Variants in GRID2 observed in about 807,000 individuals in gnomAD.
GRID2 encodes glutamate ionotropic receptor delta type subunit 2, also known as glutamate receptor ionotropic, delta-2.
A neutral mutation model predicts 114.8 loss-of-function variants in GRID2; 33 were observed. The ratio of observed to expected loss-of-function variants is 0.29; its 90% CI spans 0.22 to 0.38. The LOEUF (loss-of-function observed/expected upper bound fraction) is 0.38, where lower values mean the gene tolerates loss of function less well. GRID2 is among the 10% of genes least tolerant of loss of function. GRID2 has a pLI of 1.00. For synonymous variants in GRID2, 505 were observed against 449.9 expected, an observed-to-expected ratio of 1.12 and a Z score of -1.55; for missense variants, 1,184 against 1,257.7, an observed-to-expected ratio of 0.94 and a Z score of 0.89.
At chr4:93,648,335 A>G (rs1722294177) in intron 14 of GRID2, among the ~76,000 whole-genome samples, 3 of 152,210 alleles carry the variant, frequency 2.0e-5, no homozygotes. Flanking sequence ...GGAAAAATCA[A>G]GAGAAACTAT....
At chr4:92,398,509 A>G (rs1173121909) in intron 1 of GRID2, among the ~76,000 whole-genome samples, 1 of 151,644 alleles carries the variant, frequency 6.6e-6, no homozygotes, top group East Asian at 1.9e-4. Context: ...ATGTTGCCCA[A>G]GCTGGTCTCA....
intron 8 of GRID2, among the ~76,000 whole-genome samples, chr4:93,289,337 G>A (rs982768253): frequency 2.0e-5 from 3 of 151,856 alleles, no homozygotes; most frequent in African/African-American, 7.3e-5. Flanking sequence ...TTTTTTTTAA[G>A]AGACTGGATT....
intron 2 of GRID2, among the ~76,000 whole-genome samples, chr4:92,650,169 A>G (rs927344058): frequency 2.6e-5 from 4 of 152,202 alleles, no homozygotes; most frequent in South Asian, 2.1e-4. Context: ...CAACATATTT[A>G]TAACAAAATA....
At chr4:92,843,438 T>G (rs1475356003) in intron 2 of GRID2, among the ~76,000 whole-genome samples, 1 of 152,096 alleles carries the variant, frequency 6.6e-6, no homozygotes, top group East Asian at 1.9e-4. Context: ...CTATACTTAT[T>G]GATGTCTGCT....
chr4:93,800,548 A>G (rs1734907503), intron 1 of GRID2, among the ~76,000 whole-genome samples: 1 of 152,194 alleles, frequency 6.6e-6, no homozygotes, highest in Admixed American at 6.5e-5. Flanking sequence ...TCTTATTTAA[A>G]TAAAAAGGCC....
At chr4:92,394,265 C>T (rs1730388066) in intron 1 of GRID2, among the ~76,000 whole-genome samples, 3 of 152,028 alleles carry the variant, frequency 2.0e-5, no homozygotes, top group African/African-American at 7.2e-5. Flanking sequence ...TAATCAGTGT[C>T]TTCTACATTT....
chr4:93,028,973 C>T (rs1384015457), intron 2 of GRID2, among the ~76,000 whole-genome samples: 1 of 151,920 alleles, frequency 6.6e-6, no homozygotes. Flanking sequence ...AATGAGTTAA[C>T]ACAGTGATCT....
At chr4:93,173,720 C>G (rs1016436099) in intron 4 of GRID2, among the ~76,000 whole-genome samples, 1 of 152,102 alleles carries the variant, frequency 6.6e-6, no homozygotes, top group Non-Finnish European at 1.5e-5. Context: ...ACCTCCACCC[C>G]CTGGTCTCAA....
intron 4 of GRID2, among the ~76,000 whole-genome samples, chr4:93,116,751 G>GGT (rs763712705): frequency 1.4e-5 from 2 of 145,602 alleles, no homozygotes; most frequent in African/African-American, 5.0e-5. Flanking sequence ...AAGGAAGAGG[G>GGT]TTTTTTTTTT....
At chr4:92,398,573 A>G (rs1730622807) in intron 1 of GRID2, among the ~76,000 whole-genome samples, 1 of 152,214 alleles carries the variant, frequency 6.6e-6, no homozygotes, top group Non-Finnish European at 1.5e-5. Context: ...TGCTGGGATT[A>G]CAGGCATGAG....
intron 2 of GRID2, chr4:92,822,221 G>C: frequency 3.9e-6 from 2 of 516,188 alleles, no homozygotes; most frequent in South Asian, 3.0e-5. Context: ...GGGCATTGAT[G>C]ATATTCCCAC....
intron 14 of GRID2, among the ~76,000 whole-genome samples, chr4:93,663,505 T>C (rs1268034253): frequency 6.6e-6 from 1 of 152,132 alleles, no homozygotes; most frequent in Admixed American, 6.5e-5. Context: ...GTATGTATTA[T>C]GTGTGTGTAT....
intron 2 of GRID2, among the ~76,000 whole-genome samples, chr4:92,839,996 A>T (rs1198133903): frequency 6.6e-6 from 1 of 151,864 alleles, no homozygotes; most frequent in South Asian, 2.1e-4. Flanking sequence ...ATATCTGGGC[A>T]CTCCACTGTT....
intron 4 of GRID2, among the ~76,000 whole-genome samples, chr4:93,120,435 G>T (rs1733673861): frequency 1.3e-5 from 2 of 152,120 alleles, no homozygotes; most frequent in African/African-American, 4.8e-5. Flanking sequence ...ATGAATTCAT[G>T]CCCTTTGCAG....
In GRID2 at chr4:92,304,140, A is replaced by G. The variant is rs1170651208; in HGVS notation, c.-517A>G. On this transcript the variant is annotated 5_prime_UTR_variant, in exon 1 of 16. Transcript: ENST00000282020. ...CTGGCTGCTCCGTTTGGAATCTCCT[A>G]ATCTTTCCTTTCCACTTAGATTCTG... The G allele has an allele frequency of 5.9e-6, 1 of 170,594 alleles. No individual in the cohort carries two copies. The highest frequency in any genetic ancestry group is 2.4e-5 in the African/African-American group (1 of 41,422). The allele number at this position is 170,594 out of a possible 1,614,324, so 10.6% of individuals were successfully genotyped here. A position where few individuals can be genotyped will look rare whatever the true frequency, so the allele number is the denominator to read the frequency against.
chr4:93,246,571 T>C lies in GRID2; in HGVS notation c.1245+8081T>C, dbSNP rs1440958657. Among the ~76,000 whole-genome samples, 3 of 144,864 alleles carry C rather than the reference T, an allele frequency of 2.1e-5. No individual in the cohort carries two copies. The Admixed American group carries it at 2.1e-4, about 10-fold the overall frequency. On this transcript the variant is annotated intron_variant, in intron 8 of 15. Coordinates refer to ENST00000282020, the MANE Select transcript of GRID2 (RefSeq NM_001510.4). ...CATTGCACTCCAGCTTGGGTGACAA[T>C]GCAAGACTCCTTCTCAAAAAAAAAA...
At chr4:92,336,162 T>G (rs1305756330) in intron 1 of GRID2, among the ~76,000 whole-genome samples, 1 of 152,220 alleles carries the variant, frequency 6.6e-6, no homozygotes, top group Non-Finnish European at 1.5e-5. Flanking sequence ...TCTGGCTTCA[T>G]GTATGCTTAG....
intron 2 of GRID2, among the ~76,000 whole-genome samples, chr4:92,797,541 TA>T (rs1739946714): frequency 6.6e-6 from 1 of 152,042 alleles, no homozygotes; most frequent in Non-Finnish European, 1.5e-5. Flanking sequence ...TAAGTTAACG[TA>T]AAAGTTTTAA....
At chr4:93,487,979 T>A (rs77333717) in intron 11 of GRID2, among the ~76,000 whole-genome samples, 1,751 of 152,078 alleles carry the variant, frequency 0.012, 9 homozygotes, top group Middle Eastern at 0.048. Context: ...ACAAGAATAT[T>A]TGAGTTCCTT....
Sources: allele counts gnomAD v4.1 joint callset (sites outside exome capture counted in the v4.1 genomes callset), GRCh38; gene constraint gnomAD v4.1.1; transcripts MANE v1.5; gene names NCBI Gene and HGNC (gene_info 2026-07-23, HGNC 2026-07-21).